Variants in ADGRE3 observed in about 807,000 individuals in gnomAD.
ADGRE3 encodes the protein EGF-like module receptor 3.
Under a neutral mutation model 80.1 loss-of-function variants are expected in ADGRE3, and 88 were observed. That is an observed-to-expected ratio of 1.10 (90% CI 0.93 to 1.31). The LOEUF (loss-of-function observed/expected upper bound fraction) is 1.31. Ranked by LOEUF, ADGRE3 falls within the 40% of genes most tolerant of loss-of-function variation. The pLI is 0.00. For synonymous variants in ADGRE3, 281 were observed against 294.8 expected, an observed-to-expected ratio of 0.95 and a Z score of 0.48; for missense variants, 715 against 776.5, an observed-to-expected ratio of 0.92 and a Z score of 0.94.
At chr19:14,636,096 T>TTCTTTC (rs1568481249) in intron 11 of ADGRE3, among the ~76,000 whole-genome samples, 3 of 44,114 alleles carry the variant, frequency 6.8e-5, no homozygotes, top group African/African-American at 2.1e-4. Context: ...CTTTCTTTCT[T>TTCTTTC]TCTTTCTTTC....
At chr19:14,636,081 C>CTTTCCCTTTCTTTCTTT (rs1555755785) in intron 11 of ADGRE3, among the ~76,000 whole-genome samples, 3 of 24,676 alleles carry the variant, frequency 1.2e-4, no homozygotes, top group East Asian at 1.5e-3. Context: ...CTTTCCTTTC[C>CTTTCCCTTTCTTTCTTT]CTTTCTTTCT....
chr19:14,657,920 T>C (rs1165545507), intron 5 of ADGRE3, among the ~76,000 whole-genome samples: 1 of 151,992 alleles, frequency 6.6e-6, no homozygotes, highest in Non-Finnish European at 1.5e-5. Flanking sequence ...TGTGCCATCA[T>C]ACCTGGCTAA....
At chr19:14,640,586 C>T (rs577407925) in intron 10 of ADGRE3, among the ~76,000 whole-genome samples, 41 of 150,706 alleles carry the variant, frequency 2.7e-4, no homozygotes, top group East Asian at 2.2e-3. Flanking sequence ...CCACTGTGCC[C>T]GGCCACCGAG....
At chr19:14,609,295 T>C in the ADGRE3 span, among the ~76,000 whole-genome samples, 1 of 152,176 alleles carries the variant, frequency 6.6e-6, no homozygotes, top group Non-Finnish European at 1.5e-5. Context: ...GTGGTCTCTG[T>C]TGGGGTCAGG....
intron 8 of ADGRE3, 32 bp from the exon 9 acceptor site, chr19:14,644,307 C>T (rs1555757511): frequency 1.5e-6 from 2 of 1,372,456 alleles, no homozygotes; most frequent in South Asian, 3.3e-5. Flanking sequence ...GGCTCATTGT[C>T]TTTGTCTTTC....
intron 8 of ADGRE3, among the ~76,000 whole-genome samples, chr19:14,644,707 G>T (rs1365635181): frequency 2.0e-5 from 3 of 152,046 alleles, no homozygotes; most frequent in African/African-American, 7.2e-5. Flanking sequence ...TGTGTGAAGA[G>T]TGACTCAGGT....
rs1196881741 is a variant in ADGRE3 at position 14,663,479 on chromosome 19, G to C, written c.138C>G (p.Asn46Lys). The change falls in exon 3 of 16, where the codon AAC (asparagine) becomes AAG (lysine). Residue 46 changes from asparagine (N) to lysine (K), a missense_variant. Physicochemically the swap from Asn to Lys is moderately conservative, Grantham distance 94. Transcript: ENST00000253673. The stretch of plus-strand genomic sequence containing the variant: ...GCCCAGATCCAGAAGTATATCCATG[G>C]TTGCAGGTGCAGTGAGTGTTATTGA... The part of the protein sequence containing the change: ...SCVNNTHCTC[N>K]HGYTSGSGQK... The C allele has an allele frequency of 6.2e-7, 1 of 1,613,460 alleles. No homozygotes were observed. Among genetic ancestry groups the C allele is most frequent in the Non-Finnish European group, 8.5e-7 (1 of 1,179,564 alleles).
chr19:14,648,406 G>A (rs943368740), intron 7 of ADGRE3, among the ~76,000 whole-genome samples: 1 of 152,156 alleles, frequency 6.6e-6, no homozygotes, highest in Non-Finnish European at 1.5e-5. Flanking sequence ...TGATAGATCA[G>A]AGCAGATGGA....
At chr19:14,607,550 A>ATTAT in the ADGRE3 span, among the ~76,000 whole-genome samples, 26,035 of 141,138 alleles carry the variant, frequency 0.18, 2,504 homozygotes, top group African/African-American at 0.21. Flanking sequence ...ATTTTATTTT[A>ATTAT]TTATTTATTT....
At chr19:14,617,314 C>G (rs546211735), downstream of ADGRE3, among the ~76,000 whole-genome samples, 538 of 128,452 alleles carry the variant, frequency 4.2e-3, 9 homozygotes, top group African/African-American at 0.014. Context: ...TCTCTCTCTT[C>G]CCCTTGCTTC....
At chr19:14,671,427 G>A (rs867557905) in intron 1 of ADGRE3, among the ~76,000 whole-genome samples, 57 of 152,048 alleles carry the variant, frequency 3.7e-4, no homozygotes, top group Middle Eastern at 3.4e-3. Flanking sequence ...GCATCTTCTC[G>A]TCTTCCTGAT....
At chr19:14,617,361 T>C (rs1251553384), downstream of ADGRE3, among the ~76,000 whole-genome samples, 1 of 121,246 alleles carries the variant, frequency 8.2e-6, no homozygotes, top group African/African-American at 3.1e-5. Flanking sequence ...TTTCTTTCTT[T>C]CTTTCTTTCT....
In ADGRE3 at chr19:14,654,144, A is replaced by T. The variant is rs543719285; in HGVS notation, c.577+838T>A. The stretch of plus-strand genomic sequence containing the variant: ...ATTTCTGTATTTTTAGTAAAGATTA[A>T]GTTTCACCATGTTGCCCAGGCTGAT... On this transcript the variant is annotated intron_variant, in intron 6 of 15. Transcript: ENST00000253673. Among the ~76,000 whole-genome samples the T allele has an allele frequency of 8.5e-4, 129 of 151,898 alleles. 6 individuals are homozygous for T. The South Asian group carries it at 0.026, about 31-fold the overall frequency.
At chr19:14,609,571 C>T in the ADGRE3 span, among the ~76,000 whole-genome samples, 3 of 152,102 alleles carry the variant, frequency 2.0e-5, no homozygotes, top group African/African-American at 4.8e-5. Context: ...GGCACGGTGG[C>T]TCGTGCCTGT....
chr19:14,618,596 C>T (rs991598440), downstream of ADGRE3, among the ~76,000 whole-genome samples: 1 of 147,636 alleles, frequency 6.8e-6, no homozygotes, highest in Admixed American at 6.8e-5. Context: ...GTGGCTCATG[C>T]CTGTAATCCC....
chr19:14,643,536 A>G (rs1229073051), intron 9 of ADGRE3, among the ~76,000 whole-genome samples: 1 of 151,964 alleles, frequency 6.6e-6, no homozygotes, highest in African/African-American at 2.4e-5. Context: ...ATCCCCCAAT[A>G]CACACCCTGA....
intron 7 of ADGRE3, among the ~76,000 whole-genome samples, chr19:14,650,059 C>A (rs190737422): frequency 7.0e-6 from 1 of 143,644 alleles, no homozygotes; most frequent in Non-Finnish European, 1.5e-5. Context: ...CATCTCTCTC[C>A]CCATCTCTTG....
chr19:14,606,883 T>C, the ADGRE3 span: 1 of 392,096 alleles, frequency 2.6e-6, no homozygotes, highest in African/African-American at 2.1e-5. Context: ...GGACGGGTTG[T>C]GGGAGGTGAC....
At chr19:14,626,736 C>T (rs1970746410) in intron 14 of ADGRE3, among the ~76,000 whole-genome samples, 2 of 152,170 alleles carry the variant, frequency 1.3e-5, no homozygotes, top group African/African-American at 4.8e-5. Flanking sequence ...GTTATTTCCA[C>T]TGTGGGAATC....
Sources: allele counts gnomAD v4.1 joint callset (sites outside exome capture counted in the v4.1 genomes callset), GRCh38; gene constraint gnomAD v4.1.1; transcripts MANE v1.5; gene names NCBI Gene and HGNC (gene_info 2026-07-23, HGNC 2026-07-21).